MYO5A: variants seen among roughly 807,000 people sequenced by gnomAD.
MYO5A encodes unconventional myosin-Va.
In MYO5A, 98 loss-of-function variants were observed where a neutral mutation model predicts 249.7. The ratio of observed to expected loss-of-function variants is 0.39; its 90% CI spans 0.33 to 0.46. MYO5A has a LOEUF of 0.46. MYO5A is among the 20% of genes least tolerant of loss of function. The pLI is 0.98. For missense variants in MYO5A, 1,696 were observed against 2,308.8 expected (o/e 0.73, Z 5.44); for synonymous variants, 778 against 810.6 (o/e 0.96, Z 0.68).
At chr15:52,499,832 C>T (rs1192413775) in intron 1 of MYO5A, among the ~76,000 whole-genome samples, 1 of 152,106 alleles carries the variant, frequency 6.6e-6, no homozygotes, top group African/African-American at 2.4e-5. Flanking sequence ...GCTTTGAATT[C>T]TTTTGGGTAT....
rs560474147 is a variant in MYO5A at position 52,481,945 on chromosome 15, T to A, written c.27+46835A>T. On this transcript the variant is annotated intron_variant, in intron 1 of 41. Transcript: ENST00000399233. ...GTCCATTTTGTTAGTAGAAACAGGA[T>A]ATAATCAGTATTATTCTACATCAGT... Among the ~76,000 whole-genome samples, 55 of 152,338 alleles carry A rather than the reference T, an allele frequency of 3.6e-4. No homozygotes were observed. In the South Asian group the frequency reaches 5.8e-3, roughly 16 times the overall value.
At position 52,452,918 on chromosome 15, in the gene MYO5A, A is replaced by G. The variant is rs147700730; in HGVS notation, c.28-19633T>C. ...AGGAATGAAGCTCTGCCAAGGAGAT[A>G]TTGAAAACTACCCTAAAAGACTAAA... is the stretch of plus-strand genomic sequence containing the variant. On this transcript the variant is annotated intron_variant, in intron 1 of 41. Transcript: ENST00000399233. 4.5e-4 allele frequency among the ~76,000 whole-genome samples: 68 copies of G among 152,224 alleles called. 1 individual carries two copies. In the East Asian group the frequency reaches 7.1e-3, roughly 16 times the overall value.
chr15:52,516,754 G>T (rs1253308503), intron 1 of MYO5A, among the ~76,000 whole-genome samples: 2 of 152,196 alleles, frequency 1.3e-5, no homozygotes, highest in African/African-American at 4.8e-5. Flanking sequence ...AACTGTCCCC[G>T]AAAGCAAAGG....
chr15:52,458,146 G>T (rs1469792745), intron 1 of MYO5A, among the ~76,000 whole-genome samples: 1 of 152,144 alleles, frequency 6.6e-6, no homozygotes, highest in Non-Finnish European at 1.5e-5. Context: ...TAGTTAATGG[G>T]TACAAACATA....
intron 14 of MYO5A, among the ~76,000 whole-genome samples, chr15:52,384,590 C>G (rs924198828): frequency 6.6e-6 from 1 of 152,212 alleles, no homozygotes; most frequent in Admixed American, 6.5e-5. Flanking sequence ...ACTTGAAAAC[C>G]TAATCCACAG....
intron 16 of MYO5A, among the ~76,000 whole-genome samples, chr15:52,380,597 T>C (rs995521285): frequency 6.6e-6 from 1 of 151,314 alleles, no homozygotes; most frequent in South Asian, 2.1e-4. Context: ...TGAAACCCCG[T>C]CTCTACAAAA....
At chr15:52,505,696 G>A in intron 1 of MYO5A, 1 of 1,286,138 alleles carries the variant, frequency 7.8e-7, no homozygotes, top group Admixed American at 1.7e-5. Context: ...AGACGTCTTA[G>A]TCTGGGACTC....
At chr15:52,343,064 A>G in intron 31 of MYO5A, 53 bp downstream of exon 31, 1 of 1,449,012 alleles carries the variant, frequency 6.9e-7, no homozygotes, top group Non-Finnish European at 9.7e-7. Flanking sequence ...GGTCACTGTT[A>G]GTAAGAAAAA....
chr15:52,316,958 T>C (rs1877851645), intron 40 of MYO5A, 90 bp downstream of exon 40: 1 of 1,373,952 alleles, frequency 7.3e-7, no homozygotes, highest in Non-Finnish European at 1.0e-6. Context: ...AGCTCAGAGA[T>C]ACAAGCAATA....
intron 11 of MYO5A, among the ~76,000 whole-genome samples, chr15:52,392,952 C>T (rs954033936): frequency 1.3e-5 from 2 of 152,206 alleles, no homozygotes; most frequent in Non-Finnish European, 2.9e-5. Context: ...TCAGGGGAGG[C>T]TTCCCTGAGG....
intron 30 of MYO5A, among the ~76,000 whole-genome samples, chr15:52,344,730 G>C (rs1487857547): frequency 2.0e-5 from 3 of 152,162 alleles, no homozygotes; most frequent in Non-Finnish European, 2.9e-5. Context: ...ACCTTTCAGA[G>C]GATTCCATTA....
Position 52,327,985 on chromosome 15 carries a change from G to A in MYO5A, c.4577C>T (p.Ala1526Val). The A allele has an allele frequency of 6.2e-7, 1 of 1,613,506 alleles. No individual in the cohort carries two copies. Among genetic ancestry groups the A allele is most frequent in the Non-Finnish European group, 8.5e-7 (1 of 1,179,604 alleles). ...LILELKPRGV[A>V]VNLIPGLPAY... ...CGGTAATCCTGGAATCAAATTGACT[G>A]CTACACCACGTGGCTTCAGTTCTAA... Residue 1526 changes from alanine (A) to valine (V), a missense_variant, in exon 36 of 42, where the codon GCA becomes GTA. Around this residue, in one of 5 missense-constraint regions of MYO5A, gnomAD observed 625 missense variants for 908.1 expected, o/e 0.69. Coordinates refer to ENST00000399233, the MANE Select transcript of MYO5A (RefSeq NM_001382347.1).
At chr15:52,498,210 T>C (rs1595796000) in intron 1 of MYO5A, among the ~76,000 whole-genome samples, 1 of 152,232 alleles carries the variant, frequency 6.6e-6, no homozygotes, top group Non-Finnish European at 1.5e-5. Context: ...TGTACAGATA[T>C]AATCTATGTA....
intron 1 of MYO5A, among the ~76,000 whole-genome samples, chr15:52,515,505 T>C (rs745470995): frequency 3.9e-5 from 6 of 152,186 alleles, no homozygotes; most frequent in Non-Finnish European, 7.3e-5. Context: ...ATTTCTTAAA[T>C]ATGTGCCAGG....
intron 1 of MYO5A, among the ~76,000 whole-genome samples, chr15:52,437,512 T>C (rs918915291): frequency 6.7e-6 from 1 of 149,854 alleles, no homozygotes; most frequent in African/African-American, 2.5e-5. Context: ...GGAGGATTAC[T>C]TGAGCCCAGG....
chr15:52,508,924 A>T (rs1016479973), intron 1 of MYO5A, among the ~76,000 whole-genome samples: 1 of 151,382 alleles, frequency 6.6e-6, no homozygotes, highest in Non-Finnish European at 1.5e-5. Flanking sequence ...ATTTTCTCCT[A>T]TTCTCTTCTC....
chr15:52,514,744 A>G (rs151022489), intron 1 of MYO5A, among the ~76,000 whole-genome samples: 2 of 152,316 alleles, frequency 1.3e-5, no homozygotes, highest in African/African-American at 2.4e-5. Flanking sequence ...CTGAGTCAGA[A>G]TCTTCCCTTT....
chr15:52,455,715 T>C (rs2076104234), intron 1 of MYO5A, among the ~76,000 whole-genome samples: 1 of 151,546 alleles, frequency 6.6e-6, no homozygotes, highest in Non-Finnish European at 1.5e-5. Flanking sequence ...AAAAACCATA[T>C]GATCATTTTG....
chr15:52,313,750 T>C lies in MYO5A; in HGVS notation c.5589A>G (p.Leu1863=), dbSNP rs745955010. The change falls in exon 42 of 42, where the codon CTA becomes CTG. Residue 1863 remains leucine (L), a synonymous_variant. Transcript: ENST00000399233. ...TFPFNPSSLA[L]ETIQIPASLG... Reference sequence around the variant, plus strand: ...GGCTGGCTGGAATCTGGATGGTTTCTAGTGCGAGGGAAGATGGGTTGAAAG... The same window carrying C: ...GGCTGGCTGGAATCTGGATGGTTTCCAGTGCGAGGGAAGATGGGTTGAAAG... 3.1e-6 allele frequency: 5 copies of C among 1,614,164 alleles called. No homozygotes were observed. Among genetic ancestry groups the C allele is most frequent in the East Asian group, 2.2e-5 (1 of 44,874 alleles).
Sources: allele counts gnomAD v4.1 joint callset (sites outside exome capture counted in the v4.1 genomes callset), GRCh38; gene constraint gnomAD v4.1.1; regional missense constraint gnomAD v4.1.1; transcripts MANE v1.5; gene names NCBI Gene and HGNC (gene_info 2026-07-23, HGNC 2026-07-21).